Variants in CSMD1 observed in about 807,000 individuals in gnomAD.
The protein encoded by CSMD1 is CUB and Sushi multiple domains 1.
A neutral mutation model predicts 417.5 loss-of-function variants in CSMD1; 213 were observed. The observed-to-expected ratio is 0.51, with a 90% CI of 0.46 to 0.57. The LOEUF is 0.57. Among genes scored for constraint, CSMD1 ranks in the 20% least tolerant of loss-of-function variants. The pLI, the probability that CSMD1 is intolerant of heterozygous loss-of-function variation, is 0.00. For synonymous variants in CSMD1, 2,862 were observed against 1,736.8 expected, an observed-to-expected ratio of 1.65 and a Z score of -16.11; for missense variants, 6,923 against 4,529.7, an observed-to-expected ratio of 1.53 and a Z score of -15.17.
At chr8:4,603,068 T>A (rs937656975) in intron 2 of CSMD1, among the ~76,000 whole-genome samples, 4 of 152,002 alleles carry the variant, frequency 2.6e-5, no homozygotes, top group Non-Finnish European at 5.9e-5. Flanking sequence ...ATAATTTGAA[T>A]TCTAAATATC....
In CSMD1 at chr8:2,943,385, G is replaced by A. The variant is rs547060262; in HGVS notation, c.10403-781C>T. ...TGGGATGACAGGTGCCTGCCGCCAT[G>A]CCTGGCTATTTTTTGTATTTTTACT... On this transcript the variant is annotated intron_variant, in intron 68 of 69. Coordinates refer to ENST00000635120, the MANE Select transcript of CSMD1 (RefSeq NM_033225.6). Among the ~76,000 whole-genome samples the A allele has an allele frequency of 5.3e-5, 8 of 152,122 alleles. No homozygotes were observed. The South Asian group carries it at 1.5e-3, about 28-fold the overall frequency.
intron 5 of CSMD1, chr8:3,950,048 A>G (rs147532771): frequency 6.0e-5 from 27 of 453,742 alleles, no homozygotes; most frequent in African/African-American, 4.8e-4. Context: ...CTGTCACGCT[A>G]CAGACAGGAC....
intron 7 of CSMD1, among the ~76,000 whole-genome samples, chr8:3,643,980 A>C (rs1031927425): frequency 6.6e-6 from 1 of 152,204 alleles, no homozygotes; most frequent in Non-Finnish European, 1.5e-5. Context: ...AACAGAAGAG[A>C]ACACGGTGAA....
chr8:3,065,132 A>G (rs1304154877), intron 49 of CSMD1, among the ~76,000 whole-genome samples: 2 of 152,196 alleles, frequency 1.3e-5, no homozygotes, highest in Non-Finnish European at 2.9e-5. Flanking sequence ...GGAAATCCTC[A>G]TTTCATAAAT....
intron 5 of CSMD1, among the ~76,000 whole-genome samples, chr8:3,917,450 C>T (rs533628595): frequency 5.9e-5 from 9 of 151,946 alleles, no homozygotes; most frequent in Admixed American, 2.0e-4. Flanking sequence ...CGCTCATGCG[C>T]GCACAAATAT....
At chr8:3,598,652 C>A (rs764269879) in intron 8 of CSMD1, among the ~76,000 whole-genome samples, 1 of 152,132 alleles carries the variant, frequency 6.6e-6, no homozygotes, top group Non-Finnish European at 1.5e-5. Flanking sequence ...GCTCATTTTG[C>A]TAAGGAAATG....
intron 1 of CSMD1, among the ~76,000 whole-genome samples, chr8:4,899,937 G>A (rs974950571): frequency 7.9e-5 from 12 of 152,170 alleles, no homozygotes; most frequent in African/African-American, 2.7e-4. Context: ...CTTGTTCACA[G>A]TAGGCCTTTA....
intron 7 of CSMD1, among the ~76,000 whole-genome samples, chr8:3,660,088 CAT>C (rs1381186507): frequency 1.3e-5 from 2 of 152,120 alleles, no homozygotes; most frequent in Admixed American, 1.3e-4. Context: ...AATAAGGTAC[CAT>C]CGTGATGTAT....
intron 5 of CSMD1, among the ~76,000 whole-genome samples, chr8:3,986,504 A>G (rs2130242329): frequency 6.6e-6 from 1 of 152,260 alleles, no homozygotes; most frequent in African/African-American, 2.4e-5. Context: ...CAAAAGCAAG[A>G]TCCTTCTCCT....
chr8:3,742,057 C>CA (rs1201927459), intron 6 of CSMD1, among the ~76,000 whole-genome samples: 1 of 151,046 alleles, frequency 6.6e-6, no homozygotes, highest in Non-Finnish European at 1.5e-5. Context: ...CACACTCATT[C>CA]AGCACATTCT....
intron 3 of CSMD1, among the ~76,000 whole-genome samples, chr8:4,343,625 G>C (rs972180414): frequency 4.6e-5 from 7 of 152,116 alleles, no homozygotes; most frequent in Non-Finnish European, 8.8e-5. Context: ...AGCAGACTAT[G>C]TGCACTAGAG....
intron 5 of CSMD1, among the ~76,000 whole-genome samples, chr8:3,895,546 G>T (rs1010943071): frequency 2.6e-5 from 4 of 151,914 alleles, no homozygotes; most frequent in East Asian, 1.9e-4. Flanking sequence ...ATCCTAAAAG[G>T]ATATAAGCAC....
chr8:3,411,718 A>C (rs1193505131), intron 12 of CSMD1, among the ~76,000 whole-genome samples: 2 of 127,660 alleles, frequency 1.6e-5, no homozygotes, highest in African/African-American at 5.9e-5. Flanking sequence ...ACGTATATAT[A>C]CACGTACATA....
rs975524544 is a variant in CSMD1 at position 3,096,223 on chromosome 8, G to A, written c.7138+626C>T. Among the ~76,000 whole-genome samples, 10 of 152,140 alleles carry A rather than the reference G, an allele frequency of 6.6e-5. No individual in the cohort carries two copies. In the East Asian group the frequency reaches 1.3e-3, roughly 21 times the overall value. ...GGGTGTATTCCTAAGCATTCTAACT[G>A]TTTGAAAAGTGACAATGTTAACAAT... On this transcript the variant is annotated intron_variant, in intron 47 of 69. Transcript: ENST00000635120.
At chr8:4,455,535 T>C (rs1486006598) in intron 2 of CSMD1, among the ~76,000 whole-genome samples, 1 of 152,140 alleles carries the variant, frequency 6.6e-6, no homozygotes, top group Non-Finnish European at 1.5e-5. Context: ...AAACACATCA[T>C]GGGCCTCACT....
At chr8:4,577,660 G>C (rs756554772) in intron 2 of CSMD1, among the ~76,000 whole-genome samples, 9 of 152,184 alleles carry the variant, frequency 5.9e-5, no homozygotes, top group South Asian at 2.1e-4. Flanking sequence ...CTCTATGAAA[G>C]CTTCCCCTGA....
chr8:4,938,634 A>ACGTAG lies in CSMD1; in HGVS notation c.85+55693_85+55697dup, dbSNP rs374502029. On this transcript the variant is annotated intron_variant, in intron 1 of 69. Coordinates refer to ENST00000635120, the MANE Select transcript of CSMD1 (RefSeq NM_033225.6). Reference sequence around the variant, plus strand: ...TTTATACAAGCACATTTACATAAACACGTAGCTGTAATCAGTGCTTGAACT... The same window carrying ACGTAG: ...TTTATACAAGCACATTTACATAAACACGTAGCGTAGCTGTAATCAGTGCTTGAACT... Among the ~76,000 whole-genome samples the ACGTAG allele has an allele frequency of 5.6e-3, 845 of 152,244 alleles. 6 individuals carry two copies. Among genetic ancestry groups the ACGTAG allele is most frequent in the African/African-American group, 0.019 (783 of 41,524 alleles).
intron 4 of CSMD1, among the ~76,000 whole-genome samples, chr8:4,013,970 T>G (rs1246278514): frequency 6.6e-6 from 1 of 152,152 alleles, no homozygotes; most frequent in Non-Finnish European, 1.5e-5. Context: ...TTGCAGGTCC[T>G]CAATAAACGT....
chr8:3,569,317 A>C (rs1799848740), intron 10 of CSMD1, among the ~76,000 whole-genome samples: 1 of 152,208 alleles, frequency 6.6e-6, no homozygotes. Context: ...AAGATTCCGC[A>C]AGTAATTATT....
Sources: allele counts gnomAD v4.1 joint callset (sites outside exome capture counted in the v4.1 genomes callset), GRCh38; gene constraint gnomAD v4.1.1; transcripts MANE v1.5; gene names NCBI Gene and HGNC (gene_info 2026-07-23, HGNC 2026-07-21).